PCDHA11: variants seen among roughly 807,000 people sequenced by gnomAD.
PCDHA11 encodes protocadherin alpha 11.
A neutral mutation model predicts 70.3 loss-of-function variants in PCDHA11; 61 were observed. That is an observed-to-expected ratio of 0.87 (90% CI 0.71 to 1.07). PCDHA11 has a LOEUF of 1.07. Among genes scored for constraint, PCDHA11 ranks in the 50% least tolerant of loss-of-function variants. PCDHA11 has a pLI of 0.00. For missense variants in PCDHA11, 1,324 were observed against 1,237.5 expected (o/e 1.07, Z -1.05); for synonymous variants, 633 against 555.1 (o/e 1.14, Z -1.97).
Position 140,946,611 on chromosome 5 carries a change from AAT to A in PCDHA11, c.2392-32318_2392-32317del, listed in dbSNP as rs1554217734. On this transcript the variant is annotated intron_variant, in intron 1 of 3. Coordinates refer to ENST00000398640, the MANE Select transcript of PCDHA11 (RefSeq NM_018902.5). ...GGATGAATAGATAAAGAAAATGTGA[AAT>A]ATATATATATATATATATACAATGG... is the stretch of plus-strand genomic sequence containing the variant. 5.8e-3 allele frequency among the ~76,000 whole-genome samples: 503 copies of A among 86,618 alleles called. 18 individuals are homozygous for A. The highest frequency in any genetic ancestry group is 0.022 in the Middle Eastern group (4 of 186). The allele number at this position is 86,618 out of a possible 152,430, so 56.8% of individuals were successfully genotyped here. A position where few individuals can be genotyped will look rare whatever the true frequency, so the allele number is the denominator to read the frequency against.
intron 1 of PCDHA11, among the ~76,000 whole-genome samples, chr5:140,888,562 G>C (rs781854673): frequency 9.2e-5 from 14 of 152,112 alleles, no homozygotes; most frequent in Non-Finnish European, 1.8e-4. Context: ...TCCTTTCAAG[G>C]CTTCATTTTA....
intron 1 of PCDHA11, among the ~76,000 whole-genome samples, chr5:140,970,367 TA>T (rs1554232416): frequency 6.6e-6 from 1 of 152,216 alleles, no homozygotes; most frequent in Non-Finnish European, 1.5e-5. Flanking sequence ...TGATTTGCTA[TA>T]GCTTCAAAAG....
chr5:140,886,159 C>T (rs1006053368), intron 1 of PCDHA11, among the ~76,000 whole-genome samples: 16 of 152,164 alleles, frequency 1.1e-4, no homozygotes, highest in Non-Finnish European at 2.1e-4. Flanking sequence ...TTTTTATAGC[C>T]ACATCTGCTT....
At position 140,869,526 on chromosome 5, in the gene PCDHA11, G is replaced by C. The variant is rs1363521095; in HGVS notation, c.423G>C (p.Leu141=). ...PVFSLREQKL[L]IAESKQSDSR... is the part of the protein sequence containing the mutation. ...TCTCGCTCAGAGAACAAAAGCTGCTGATTGCGGAATCTAAGCAATCGGACT... is the reference window on the plus strand; with the variant it reads ...TCTCGCTCAGAGAACAAAAGCTGCTCATTGCGGAATCTAAGCAATCGGACT... Residue 141 remains leucine, a synonymous_variant, in exon 1 of 4, where the codon CTG becomes CTC. Coordinates refer to ENST00000398640, the MANE Select transcript of PCDHA11 (RefSeq NM_018902.5). 6.2e-7 allele frequency: 1 copy of C among 1,614,194 alleles called. No individual in the cohort carries two copies. The highest frequency in any genetic ancestry group is 8.5e-7 in the Non-Finnish European group (1 of 1,180,046).
chr5:140,874,630 G>A (rs1299205823), intron 1 of PCDHA11, among the ~76,000 whole-genome samples: 2 of 152,212 alleles, frequency 1.3e-5, no homozygotes, highest in Non-Finnish European at 2.9e-5. Context: ...TTACATTAAA[G>A]TGCTTTACTT....
In PCDHA11 at chr5:141,011,714, C is replaced by G. The variant is rs2098421596; in HGVS notation, c.*1777C>G. On this transcript the variant is annotated 3_prime_UTR_variant, in exon 4 of 4. Transcript: ENST00000398640. ...TTTTGGAATGAATACTGACAATATT[C>G]CATGAGGGTGTGCAAGCACAAATTT... 1 of 153,650 alleles carries G rather than the reference C, an allele frequency of 6.5e-6. No individual in the cohort carries two copies. Among genetic ancestry groups the G allele is most frequent in the South Asian group, 2.1e-4 (1 of 4,822 alleles). 9.5% of individuals were successfully genotyped at this position (153,650 alleles called of 1,614,324 possible).
At chr5:140,898,970 C>T (rs2067071539) in intron 1 of PCDHA11, among the ~76,000 whole-genome samples, 2 of 152,006 alleles carry the variant, frequency 1.3e-5, no homozygotes, top group South Asian at 4.2e-4. Context: ...TGGGAGTTCA[C>T]TCATGATTTG....
intron 1 of PCDHA11, chr5:140,928,384 C>G (rs246074): frequency 0.52 from 841,304 of 1,613,674 alleles, 221,696 homozygotes; most frequent in African/African-American, 0.71. Flanking sequence ...CTCTAGCTTG[C>G]TGGCAGTGGA....
In PCDHA11 at chr5:140,875,915, T is replaced by G. The variant is rs782225928; in HGVS notation, c.2391+4421T>G. On this transcript the variant is annotated intron_variant, in intron 1 of 3. Transcript: ENST00000398640. Reference sequence around the variant, plus strand: ...GTACCTGTTTCTGAATCTGCGCCTCTGGACTCTCATTTTCCTCTAGAGGGC... The same window carrying G: ...GTACCTGTTTCTGAATCTGCGCCTCGGGACTCTCATTTTCCTCTAGAGGGC... 3.7e-6 allele frequency: 6 copies of G among 1,614,096 alleles called. No homozygotes were observed. In the African/African-American group the frequency reaches 6.7e-5, roughly 18 times the overall value.
intron 1 of PCDHA11, chr5:140,878,248 C>A (rs1449904760): frequency 6.5e-6 from 1 of 154,860 alleles, no homozygotes; most frequent in African/African-American, 2.4e-5. Flanking sequence ...TTAACTCTTC[C>A]TCACGTGCTT....
chr5:140,927,748 G>A lies in PCDHA11; in HGVS notation c.2392-51201G>A, dbSNP rs782605586. Reference sequence around the variant, plus strand: ...AGCAGAGCTGCGACACCGCTTTCACGTGCACCCTAAAAGTGGGGAGGTGCA... The same window carrying A: ...AGCAGAGCTGCGACACCGCTTTCACATGCACCCTAAAAGTGGGGAGGTGCA... On this transcript the variant is annotated intron_variant, in intron 1 of 3. Transcript: ENST00000398640. 53 of 1,614,088 alleles carry A rather than the reference G, an allele frequency of 3.3e-5. No homozygotes were observed. The South Asian group carries it at 5.7e-4, about 17-fold the overall frequency.
chr5:140,897,446 T>G (rs2066114237), intron 1 of PCDHA11, among the ~76,000 whole-genome samples: 1 of 151,576 alleles, frequency 6.6e-6, no homozygotes, highest in South Asian at 2.1e-4. Context: ...GTGTTTGGTT[T>G]TTTGTCCTTG....
chr5:140,876,618 T>C (rs781928314), intron 1 of PCDHA11: 7 of 1,614,074 alleles, frequency 4.3e-6, no homozygotes, highest in African/African-American at 1.3e-5. Flanking sequence ...CTGGAGCCAA[T>C]GGACAGGTCA....
Position 140,911,260 on chromosome 5 carries a change from A to G in PCDHA11, c.2391+39766A>G, listed in dbSNP as rs1178961396. On this transcript the variant is annotated intron_variant, in intron 1 of 3. Transcript: ENST00000398640. ...AAAAAAAGTTTCATCAGAATTTATA[A>G]TCTCAGTGTCCCCAGCTTCATCAGG... is the stretch of plus-strand genomic sequence containing the variant. Among the ~76,000 whole-genome samples, 8 of 152,222 alleles carry G rather than the reference A, an allele frequency of 5.3e-5. 1 individual carries two copies. The highest frequency in any genetic ancestry group is 1.9e-4 in the African/African-American group (8 of 41,520).
At position 140,870,557 on chromosome 5, in the gene PCDHA11, A is replaced by G. The variant is rs1554164412; in HGVS notation, c.1454A>G (p.Glu485Gly). ...TCGGCGCGGGACGCGGACGCGCAGG[A>G]GAACGCGCTGGTGTCCTACTCGCTG... The part of the protein sequence containing the change: ...TVSARDADAQ[E>G]NALVSYSLVE... The change falls in exon 1 of 4, where the codon GAG becomes GGG. Residue 485 changes from glutamate to glycine, a missense_variant. By Grantham distance (98) the Glu-to-Gly change is moderately conservative. Transcript: ENST00000398640. The G allele has an allele frequency of 3.1e-6, 5 of 1,613,906 alleles. No individual in the cohort carries two copies. The highest frequency in any genetic ancestry group is 2.7e-5 in the African/African-American group (2 of 74,944).
chr5:140,870,590 G>T lies in PCDHA11; in HGVS notation c.1487G>T (p.Arg496Leu). 1.2e-6 allele frequency: 2 copies of T among 1,613,564 alleles called. No individual in the cohort carries two copies. The highest frequency in any genetic ancestry group is 1.7e-6 in the Non-Finnish European group (2 of 1,179,898). The change falls in exon 1 of 4, where the codon CGG becomes CTG. Residue 496 changes from arginine to leucine, a missense_variant. By Grantham distance (102) the Arg-to-Leu change is moderately radical. Transcript: ENST00000398640. ...NALVSYSLVE[R>L]RLGDRALSSY... The stretch of plus-strand genomic sequence containing the variant: ...CTGGTGTCCTACTCGCTGGTGGAGC[G>T]GCGGTTGGGCGACCGCGCGCTGTCG...
chr5:140,952,852 G>A (rs887887464), intron 1 of PCDHA11, among the ~76,000 whole-genome samples: 2 of 152,068 alleles, frequency 1.3e-5, no homozygotes, highest in Non-Finnish European at 2.9e-5. Context: ...TTGTCTTCTG[G>A]GGAGGCCTCA....
intron 1 of PCDHA11, among the ~76,000 whole-genome samples, chr5:140,953,382 G>A (rs1554220887): frequency 6.6e-6 from 1 of 152,142 alleles, no homozygotes; most frequent in Admixed American, 6.6e-5. Context: ...ACCCCTCTCA[G>A]TTGTGGATTA....
At chr5:140,926,957 T>G in intron 1 of PCDHA11, 1 of 1,602,892 alleles carries the variant, frequency 6.2e-7, no homozygotes, top group Non-Finnish European at 8.5e-7. Context: ...GCGGGACAGC[T>G]CGAGTACTCA....
Sources: allele counts gnomAD v4.1 joint callset (sites outside exome capture counted in the v4.1 genomes callset), GRCh38; gene constraint gnomAD v4.1.1; transcripts MANE v1.5; gene names NCBI Gene and HGNC (gene_info 2026-07-23, HGNC 2026-07-21).